TDG: variants seen among roughly 807,000 people sequenced by gnomAD.
TDG encodes thymine DNA glycosylase, also known as G/T mismatch-specific thymine DNA glycosylase.
In TDG, 23 loss-of-function variants were observed where a neutral mutation model predicts 46.1. The ratio of observed to expected loss-of-function variants is 0.50; its 90% CI spans 0.36 to 0.71. The LOEUF is 0.71. Among genes scored for constraint, TDG ranks in the 30% least tolerant of loss-of-function variants. The pLI, the probability that TDG is intolerant of heterozygous loss-of-function variation, is 0.00. For synonymous variants in TDG, 115 were observed against 161.3 expected, an observed-to-expected ratio of 0.71 and a Z score of 2.18; for missense variants, 304 against 486.7, an observed-to-expected ratio of 0.62 and a Z score of 3.53.
intron 1 of TDG, among the ~76,000 whole-genome samples, chr12:103,971,982 G>C (rs1593508492): frequency 6.6e-6 from 1 of 152,098 alleles, no homozygotes; most frequent in East Asian, 1.9e-4. Flanking sequence ...AAACATTGCA[G>C]AGTTCTGGAT....
chr12:103,977,579 A>G (rs1871601404), intron 2 of TDG, among the ~76,000 whole-genome samples: 1 of 152,202 alleles, frequency 6.6e-6, no homozygotes, highest in African/African-American at 2.4e-5. Flanking sequence ...TAACAAGGAA[A>G]TGGTGAGAGG....
intron 1 of TDG, chr12:103,972,952 A>G (rs963850420): frequency 4.3e-6 from 3 of 698,100 alleles, no homozygotes; most frequent in Non-Finnish European, 7.8e-6. Context: ...TAATTTATGT[A>G]TTTTCAGTTT....
intron 9 of TDG, 37 bp downstream of exon 9, chr12:103,985,765 C>A: frequency 1.4e-6 from 2 of 1,463,824 alleles, no homozygotes; most frequent in South Asian, 3.1e-5. Context: ...CTTTCAAAGA[C>A]GGTTTGGTCA....
At chr12:103,967,083 T>C (rs1303726071) in intron 1 of TDG, among the ~76,000 whole-genome samples, 1 of 152,250 alleles carries the variant, frequency 6.6e-6, no homozygotes, top group South Asian at 2.1e-4. Context: ...AGAAGAACTT[T>C]ACAAATAAGA....
Position 103,970,302 on chromosome 12 carries a change from GC to G in TDG, c.23+4246del, listed in dbSNP as rs545131654. On this transcript the variant is annotated intron_variant, in intron 1 of 9. Transcript: ENST00000392872. ...AGACTAGCCTGGGCAACATAGTGAA[GC>G]CCCATCTCTACAAAAAATTTAAAAT... Among the ~76,000 whole-genome samples the G allele has an allele frequency of 3.3e-5, 5 of 152,150 alleles. No homozygotes were observed. The South Asian group carries it at 1.0e-3, about 32-fold the overall frequency.
Position 103,976,921 on chromosome 12 carries a change from T to C in TDG, c.27T>C (p.Tyr9=), listed in dbSNP as rs371305481. 6.2e-6 allele frequency: 10 copies of C among 1,613,488 alleles called. No individual in the cohort carries two copies. Among genetic ancestry groups the C allele is most frequent in the Admixed American group, 1.7e-5 (1 of 59,878 alleles). The change falls in exon 2 of 10, where the codon TAT becomes TAC. Residue 9 remains tyrosine, a synonymous_variant. Coordinates refer to ENST00000392872, the MANE Select transcript of TDG (RefSeq NM_003211.6). MEAENAGS[Y]SLQQAQAFYT... ...TCATGCTTCATTATTCTTTCAGCTATTCCCTTCAGCAAGCTCAAGCTTTTT... is the reference window on the plus strand; with the variant it reads ...TCATGCTTCATTATTCTTTCAGCTACTCCCTTCAGCAAGCTCAAGCTTTTT...
chr12:103,981,114 TAAG>T, intron 4 of TDG, 152 bp downstream of exon 4: 2 of 657,092 alleles, frequency 3.0e-6, no homozygotes, highest in Non-Finnish European at 5.1e-6. Context: ...TACGTGAAAA[TAAG>T]AGAGTTTGAA....
chr12:103,973,993 CT>C (rs1466818749), intron 1 of TDG, among the ~76,000 whole-genome samples: 2 of 152,154 alleles, frequency 1.3e-5, no homozygotes, highest in African/African-American at 4.8e-5. Flanking sequence ...CTCACTCATT[CT>C]TAATCTTTGC....
chr12:103,976,990 G>A lies in TDG; in HGVS notation c.96G>A (p.Met32Ile). The change falls in exon 2 of 10, where the codon ATG becomes ATA. Residue 32 changes from methionine (M) to isoleucine (I), a missense_variant. Coordinates refer to ENST00000392872, the MANE Select transcript of TDG (RefSeq NM_003211.6). Reference sequence around the variant, plus strand: ...AACTGATGGCTGAAGCTCCTAATATGGCAGTTGTGAATGAACAGCAAATGC... The same window carrying A: ...AACTGATGGCTGAAGCTCCTAATATAGCAGTTGTGAATGAACAGCAAATGC... ...FQQLMAEAPN[M>I]AVVNEQQMPE... 2.5e-6 allele frequency: 4 copies of A among 1,613,896 alleles called. No individual in the cohort carries two copies. The highest frequency in any genetic ancestry group is 1.3e-5 in the African/African-American group (1 of 75,004).
chr12:103,980,260 ACTGT>A (rs1229384549), intron 3 of TDG, 188 bp downstream of exon 3: 16 of 702,332 alleles, frequency 2.3e-5, no homozygotes, highest in South Asian at 6.2e-5. Context: ...CCAAATTTAG[ACTGT>A]CTGGGTTCAA....
At chr12:103,975,971 C>T (rs373576655) in intron 1 of TDG, among the ~76,000 whole-genome samples, 1 of 151,676 alleles carries the variant, frequency 6.6e-6, no homozygotes, top group African/African-American at 2.4e-5. Context: ...CTTGTCACCT[C>T]ATAAAGGTCC....
At chr12:103,976,361 C>G (rs1179672981) in intron 1 of TDG, among the ~76,000 whole-genome samples, 2 of 152,020 alleles carry the variant, frequency 1.3e-5, no homozygotes, top group Non-Finnish European at 2.9e-5. Flanking sequence ...GAACCAAGAT[C>G]ACACTACTGC....
intron 9 of TDG, 59 bp downstream of exon 9, chr12:103,985,787 A>C (rs546937772): frequency 1.4e-5 from 20 of 1,416,128 alleles, no homozygotes; most frequent in Non-Finnish European, 1.9e-5. Flanking sequence ...GATTGGGGGG[A>C]AAATTTTAAT....
At position 103,965,900 on chromosome 12, in the gene TDG, GCCACTGT is replaced by G; in HGVS notation, c.-136_-130del. On this transcript the variant is annotated 5_prime_UTR_variant, in exon 1 of 10. Coordinates refer to ENST00000392872, the MANE Select transcript of TDG (RefSeq NM_003211.6). ...AGCCTGGAGGAGGAGCTTGAGTCCA[GCCACTGT>G]CTGGGTACTGCCAGCCATCGGGCCC... The G allele has an allele frequency of 2.2e-6, 3 of 1,360,904 alleles. No homozygotes were observed. Among genetic ancestry groups the G allele is most frequent in the Non-Finnish European group, 3.0e-6 (3 of 1,005,410 alleles). The allele number at this position is 1,360,904 out of a possible 1,614,324, so 84.3% of individuals were successfully genotyped here.
chr12:103,979,644 T>C (rs569116645), intron 2 of TDG, among the ~76,000 whole-genome samples, 187 bp from the exon 3 acceptor site: 12 of 151,626 alleles, frequency 7.9e-5, no homozygotes, highest in African/African-American at 2.9e-4. Context: ...GCATGGGGGG[T>C]TGCACGAACC....
chr12:103,966,164 A>T lies in TDG; in HGVS notation c.23+104A>T. On this transcript the variant is annotated intron_variant, in intron 1 of 9. Transcript: ENST00000392872. ...AGGGGTCTTTTAAATCCCGGCCGGA[A>T]TACAAAGGCCGGGGCCGCGCGTGCG... 4.5e-6 allele frequency: 6 copies of T among 1,347,834 alleles called. 1 individual carries two copies. In the South Asian group the frequency reaches 9.5e-5, roughly 21 times the overall value. The allele number at this position is 1,347,834 out of a possible 1,614,324, so 83.5% of individuals were successfully genotyped here. A position where few individuals can be genotyped will look rare whatever the true frequency, so the allele number is the denominator to read the frequency against.
In TDG at chr12:103,983,030, G is replaced by T. The variant is rs893247256; in HGVS notation, c.614+96G>T. 5.1e-6 allele frequency: 8 copies of T among 1,574,648 alleles called. No individual in the cohort carries two copies. In the South Asian group the frequency reaches 9.5e-5, roughly 19 times the overall value. On this transcript the variant is annotated intron_variant, in intron 5 of 9. Transcript: ENST00000392872. Reference sequence around the variant, plus strand: ...ATCATATGTATCTAGTTCAAGCTGAGCTCAACAAATGTACAATATGCTCTT... The same window carrying T: ...ATCATATGTATCTAGTTCAAGCTGATCTCAACAAATGTACAATATGCTCTT...
chr12:103,973,674 G>GA lies in TDG; in HGVS notation c.24-3237dup, dbSNP rs1042104228. Among the ~76,000 whole-genome samples, 4 of 151,910 alleles carry GA rather than the reference G, an allele frequency of 2.6e-5. No individual in the cohort carries two copies. The East Asian group carries it at 7.7e-4, about 29-fold the overall frequency. On this transcript the variant is annotated intron_variant, in intron 1 of 9. Transcript: ENST00000392872. ...ACTAATAATATTAAATAAAACTATGGAAAAAAAGGACATTTTACTTTGTGC... is the reference window on the plus strand; with the variant it reads ...ACTAATAATATTAAATAAAACTATGGAAAAAAAAGGACATTTTACTTTGTGC...
Position 103,987,348 on chromosome 12 carries a change from G to A in TDG, c.*258G>A, listed in dbSNP as rs1872219014. ...TTATATACTATATTTCATTTATGAA[G>A]AAATTGATTTTCTTTTGGGAGTCAC... is the stretch of plus-strand genomic sequence containing the variant. On this transcript the variant is annotated 3_prime_UTR_variant, in exon 10 of 10. Coordinates refer to ENST00000392872, the MANE Select transcript of TDG (RefSeq NM_003211.6). 2.3e-6 allele frequency: 1 copy of A among 431,710 alleles called. No individual in the cohort carries two copies. Among genetic ancestry groups the A allele is most frequent in the African/African-American group, 1.9e-5 (1 of 51,992 alleles). 26.7% of individuals were successfully genotyped at this position (431,710 alleles called of 1,614,324 possible).
Sources: gnomAD v4.1 joint callset for allele counts (sites outside exome capture counted in the v4.1 genomes callset) on GRCh38, gnomAD v4.1.1 for gene constraint, MANE v1.5 for transcripts, NCBI Gene and HGNC (gene_info 2026-07-23, HGNC 2026-07-21) for gene names.